Variants in SLC1A6 observed in about 807,000 individuals in gnomAD.
SLC1A6 encodes the protein solute carrier family 1 member 6.
In SLC1A6, 15 loss-of-function variants were observed where a neutral mutation model predicts 42.1. That is an observed-to-expected ratio of 0.36 (90% CI 0.24 to 0.55). The LOEUF is 0.55. SLC1A6 is among the 20% of genes least tolerant of loss of function. The pLI is 0.88. For missense variants in SLC1A6, 542 were observed against 772.5 expected (o/e 0.70, Z 3.54); for synonymous variants, 317 against 319.7 (o/e 0.99, Z 0.09).
chr19:14,995,368 A>G (rs1476219954), intron 1 of SLC1A6, among the ~76,000 whole-genome samples: 5 of 112,822 alleles, frequency 4.4e-5, no homozygotes, highest in Non-Finnish European at 9.3e-5. Flanking sequence ...AAAGAAAGAA[A>G]AGGGAAGGGA....
At chr19:14,981,796 C>T (rs2045769392), upstream of SLC1A6, among the ~76,000 whole-genome samples, 1 of 152,210 alleles carries the variant, frequency 6.6e-6, no homozygotes, top group Non-Finnish European at 1.5e-5. Flanking sequence ...AGAAAAACAT[C>T]AGACTAATTT....
At chr19:14,989,418 C>T (rs1200361287) in intron 1 of SLC1A6, among the ~76,000 whole-genome samples, 3 of 151,876 alleles carry the variant, frequency 2.0e-5, no homozygotes, top group Non-Finnish European at 2.9e-5. Context: ...TGCACCACCA[C>T]GCCTGGCTAA....
chr19:14,978,761 C>A (rs1325367659), intron 1 of SLC1A6, among the ~76,000 whole-genome samples: 1 of 151,806 alleles, frequency 6.6e-6, no homozygotes, highest in Non-Finnish European at 1.5e-5. Context: ...TCCAGGCATG[C>A]AGTCATACAA....
chr19:14,959,004 G>A (rs1027552913), intron 6 of SLC1A6, among the ~76,000 whole-genome samples: 2 of 152,156 alleles, frequency 1.3e-5, no homozygotes, highest in South Asian at 2.1e-4. Flanking sequence ...GTTAAAAATA[G>A]TTTCTTTTAA....
intron 1 of SLC1A6, among the ~76,000 whole-genome samples, chr19:14,990,020 T>A (rs2045811912): frequency 6.6e-6 from 1 of 151,884 alleles, no homozygotes; most frequent in South Asian, 2.1e-4. Flanking sequence ...TGTGGAGGTT[T>A]CTCAAAAAGT....
chr19:14,952,673 A>G (rs1375981968), intron 9 of SLC1A6, among the ~76,000 whole-genome samples: 2 of 152,064 alleles, frequency 1.3e-5, no homozygotes, highest in Admixed American at 1.3e-4. Flanking sequence ...TACATAAAAC[A>G]GGTAAAAGAG....
chr19:14,968,969 G>A (rs556909127), intron 3 of SLC1A6, among the ~76,000 whole-genome samples: 2 of 151,994 alleles, frequency 1.3e-5, no homozygotes, highest in South Asian at 2.1e-4. Flanking sequence ...CCTTCCGAGT[G>A]GCTGGGATTA....
intron 9 of SLC1A6, 63 bp from the exon 10 acceptor site, chr19:14,950,453 T>C: frequency 7.5e-7 from 1 of 1,325,302 alleles, no homozygotes; most frequent in Non-Finnish European, 1.0e-6. Flanking sequence ...AGAAAGAGGG[T>C]GCAGCAGAGG....
At position 14,950,351 on chromosome 19, in the gene SLC1A6, T is replaced by G; in HGVS notation, c.1539A>C (p.Ser513=). The G allele has an allele frequency of 6.2e-7, 1 of 1,606,606 alleles. No individual in the cohort carries two copies. ...LRTMTNVLGD[S]IGAAVIEHLS... ...AGTGCTCGATGACGGCCGCTCCAAT[T>G]GAGTCCCCCAGTACGTTGGTCATTG... is the stretch of plus-strand genomic sequence containing the variant. Residue 513 remains serine, a synonymous_variant, in exon 10 of 10, where the codon TCA becomes TCC. Transcript: ENST00000594383.
At chr19:14,972,279 C>T (rs2045648889) in intron 2 of SLC1A6, among the ~76,000 whole-genome samples, 1 of 152,088 alleles carries the variant, frequency 6.6e-6, no homozygotes, top group East Asian at 1.9e-4. Context: ...TGGGAGTGTA[C>T]GTGTTCTTAA....
intron 6 of SLC1A6, among the ~76,000 whole-genome samples, chr19:14,958,372 C>T (rs941251261): frequency 6.6e-6 from 1 of 151,498 alleles, no homozygotes; most frequent in Non-Finnish European, 1.5e-5. Context: ...GATCACATCA[C>T]TGCACTCCAG....
At chr19:14,974,677 G>T (rs1332381541) in intron 1 of SLC1A6, 1 of 151,820 alleles carries the variant, frequency 6.6e-6, no homozygotes, top group African/African-American at 2.4e-5. Flanking sequence ...CGAGATAGAG[G>T]TGACAATTAT....
chr19:14,997,599 C>A (rs1478765840), intron 1 of SLC1A6, among the ~76,000 whole-genome samples: 1 of 152,128 alleles, frequency 6.6e-6, no homozygotes, highest in East Asian at 1.9e-4. Context: ...TTCTCCCTTG[C>A]TCTGCTATTT....
At chr19:14,965,079 GT>G (rs2045558825) in intron 4 of SLC1A6, among the ~76,000 whole-genome samples, 4 of 151,600 alleles carry the variant, frequency 2.6e-5, no homozygotes, top group Admixed American at 2.6e-4. Context: ...GAGTGCAGTG[GT>G]GCGATCTCGG....
Position 14,952,941 on chromosome 19 carries a change from C to T in SLC1A6, c.1486G>A (p.Val496Met), listed in dbSNP as rs947594885. 6.2e-6 allele frequency: 10 copies of T among 1,613,712 alleles called. No individual in the cohort carries two copies. Among genetic ancestry groups the T allele is most frequent in the African/African-American group, 1.3e-5 (1 of 75,016 alleles). ...GAGAACACTCACAGGAACCAGTCCACGGCAATGATGAGCGTGATGTCTTCC... is the reference window on the plus strand; with the variant it reads ...GAGAACACTCACAGGAACCAGTCCATGGCAATGATGAGCGTGATGTCTTCC... ...PTEDITLIIA[V>M]DWFLDRLRTM... The change falls in exon 9 of 10, where the codon GTG becomes ATG. Residue 496 changes from valine (V) to methionine (M), a missense_variant. Val to Met is a conservative substitution (Grantham distance 21). Coordinates refer to ENST00000594383, the MANE Select transcript of SLC1A6 (RefSeq NM_005071.3).
intron 1 of SLC1A6, chr19:14,975,357 C>A (rs2045692574): frequency 8.4e-6 from 1 of 119,288 alleles, no homozygotes; most frequent in South Asian, 2.7e-4. Context: ...TGCTAATTAC[C>A]CTGATTTGAT....
Position 14,961,806 on chromosome 19 carries a change from C to A in SLC1A6, c.935+196G>T, listed in dbSNP as rs992163091. The A allele has an allele frequency of 1.1e-5, 8 of 696,452 alleles. No individual in the cohort carries two copies. In the African/African-American group the frequency reaches 1.4e-4, roughly 12 times the overall value. The allele number at this position is 696,452 out of a possible 1,614,324, so 43.1% of individuals were successfully genotyped here. The stretch of plus-strand genomic sequence containing the variant: ...ATGCATAGAAGAATGAATGAATGAA[C>A]AGATGAACAAGGAAGTCAACTAGTG... On this transcript the variant is annotated intron_variant, in intron 6 of 9. Transcript: ENST00000594383.
Position 14,972,807 on chromosome 19 carries a change from A to T in SLC1A6, c.104T>A (p.Leu35Gln). ...RLQESLQQRA[L>Q]RTRLRLQTMT... ...GGTCTGCAGGCGCAGGCGCGTGCGC[A>T]GTGCTCTCTGCTGCAGGCTTTCCTG... Residue 35 changes from leucine to glutamine, a missense_variant, in exon 2 of 10, where the codon CTG (leucine) becomes CAG (glutamine). Coordinates refer to ENST00000594383, the MANE Select transcript of SLC1A6 (RefSeq NM_005071.3). 1 of 1,612,352 alleles carries T rather than the reference A, an allele frequency of 6.2e-7. No homozygotes were observed. The highest frequency in any genetic ancestry group is 8.5e-7 in the Non-Finnish European group (1 of 1,179,482).
At chr19:15,010,198 G>GAAAAAAAAAAA (rs1568304854) in intron 1 of SLC1A6, among the ~76,000 whole-genome samples, 2 of 61,772 alleles carry the variant, frequency 3.2e-5, no homozygotes, top group Non-Finnish European at 6.5e-5. Context: ...AAAAAAAAAA[G>GAAAAAAAAAAA]AAAGAAAGAA....
Sources: gnomAD v4.1 joint callset for allele counts (sites outside exome capture counted in the v4.1 genomes callset) on GRCh38, gnomAD v4.1.1 for gene constraint, MANE v1.5 for transcripts, NCBI Gene and HGNC (gene_info 2026-07-23, HGNC 2026-07-21) for gene names.